Variants in NKAIN3 observed in about 807,000 individuals in gnomAD.
The protein encoded by NKAIN3 is sodium/potassium transporting ATPase interacting 3.
NKAIN3 carries 25 observed loss-of-function variants against 30.2 expected under a neutral mutation model. That is an observed-to-expected ratio of 0.83 (90% CI 0.60 to 1.16). The LOEUF is 1.16. NKAIN3 is among the 50% of genes most tolerant of loss of function. The probability of loss-of-function intolerance (pLI) is 0.00; values close to 1 mark genes in which losing one functional copy is unlikely to be tolerated. For synonymous variants in NKAIN3, 91 were observed against 89.6 expected, an observed-to-expected ratio of 1.02 and a Z score of -0.09; for missense variants, 225 against 254.1, an observed-to-expected ratio of 0.89 and a Z score of 0.78.
At chr8:62,804,488 G>A (rs1326586607) in intron 4 of NKAIN3, among the ~76,000 whole-genome samples, 1 of 152,180 alleles carries the variant, frequency 6.6e-6, no homozygotes, top group Non-Finnish European at 1.5e-5. Flanking sequence ...ATGCAAGGCT[G>A]GTTCAATATA....
intron 4 of NKAIN3, among the ~76,000 whole-genome samples, chr8:62,751,698 A>G (rs1816287696): frequency 6.6e-6 from 1 of 152,200 alleles, no homozygotes; most frequent in African/African-American, 2.4e-5. Flanking sequence ...AGATGTATAC[A>G]TAACACATCT....
intron 2 of NKAIN3, among the ~76,000 whole-genome samples, chr8:62,584,184 T>C (rs1163441379): frequency 2.0e-5 from 3 of 152,202 alleles, no homozygotes; most frequent in Non-Finnish European, 4.4e-5. Flanking sequence ...AAATTGCTTC[T>C]TCTATTTTTA....
At chr8:62,986,372 G>A (rs1471578252), downstream of NKAIN3, among the ~76,000 whole-genome samples, 1 of 152,106 alleles carries the variant, frequency 6.6e-6, no homozygotes, top group Non-Finnish European at 1.5e-5. Flanking sequence ...CATATAAACT[G>A]CATGCTTTTT....
At chr8:62,771,057 G>A (rs889239638) in intron 4 of NKAIN3, among the ~76,000 whole-genome samples, 2 of 135,166 alleles carry the variant, frequency 1.5e-5, no homozygotes, top group East Asian at 4.0e-4. Context: ...GTCTCTAATT[G>A]GTATTGTACA....
intron 1 of NKAIN3, among the ~76,000 whole-genome samples, chr8:62,524,142 C>CACA (rs1251060288): frequency 6.6e-6 from 1 of 151,522 alleles, no homozygotes; most frequent in Admixed American, 6.6e-5. Flanking sequence ...CTCTAGAATC[C>CACA]TGGTCATGCA....
At chr8:62,250,612 C>T (rs899271270) in intron 1 of NKAIN3, among the ~76,000 whole-genome samples, 1 of 152,158 alleles carries the variant, frequency 6.6e-6, no homozygotes, top group Non-Finnish European at 1.5e-5. Flanking sequence ...TGCTGGATTG[C>T]ATAATCTATA....
At chr8:62,619,081 A>G (rs1372477456) in intron 3 of NKAIN3, among the ~76,000 whole-genome samples, 1 of 152,118 alleles carries the variant, frequency 6.6e-6, no homozygotes, top group East Asian at 1.9e-4. Flanking sequence ...ATCGGATCCT[A>G]ATGTAACCAG....
At chr8:62,990,467 T>A in intron 5 of NKAIN3, 2 of 650,458 alleles carry the variant, frequency 3.1e-6, no homozygotes, top group Non-Finnish European at 4.1e-6. Context: ...TTGCTTTGTA[T>A]AAAATGTTAT....
chr8:62,825,622 A>C (rs28510229), intron 4 of NKAIN3, among the ~76,000 whole-genome samples: 8,370 of 152,234 alleles, frequency 0.055, 395 homozygotes, highest in African/African-American at 0.13. Flanking sequence ...AACCTGACTG[A>C]CAATCAGAAT....
At chr8:62,471,133 A>G (rs1239652900) in intron 1 of NKAIN3, among the ~76,000 whole-genome samples, 1 of 152,200 alleles carries the variant, frequency 6.6e-6, no homozygotes, top group Non-Finnish European at 1.5e-5. Context: ...AATTATCTAA[A>G]TCTTTAAAAC....
At chr8:62,803,015 G>A (rs1355271873) in intron 4 of NKAIN3, among the ~76,000 whole-genome samples, 2 of 152,156 alleles carry the variant, frequency 1.3e-5, no homozygotes, top group African/African-American at 4.8e-5. Context: ...AAGAGACAAA[G>A]AAGGCCATTA....
intron 1 of NKAIN3, among the ~76,000 whole-genome samples, chr8:62,514,566 G>C (rs1243733626): frequency 6.6e-6 from 1 of 152,074 alleles, no homozygotes; most frequent in Non-Finnish European, 1.5e-5. Flanking sequence ...TCCTTACCGT[G>C]AACAACAGTT....
chr8:62,943,345 C>A (rs1212647993), intron 5 of NKAIN3, among the ~76,000 whole-genome samples: 1 of 148,584 alleles, frequency 6.7e-6, no homozygotes, highest in Non-Finnish European at 1.5e-5. Context: ...TGTGATACCA[C>A]CTTACTCTTG....
chr8:62,252,896 A>G (rs1812154145), intron 1 of NKAIN3, among the ~76,000 whole-genome samples: 1 of 152,188 alleles, frequency 6.6e-6, no homozygotes, highest in Non-Finnish European at 1.5e-5. Flanking sequence ...AATAAACCTT[A>G]ATTGCATGGT....
intron 4 of NKAIN3, among the ~76,000 whole-genome samples, chr8:62,760,994 T>C (rs988647307): frequency 8.5e-5 from 13 of 152,178 alleles, no homozygotes; most frequent in African/African-American, 2.7e-4. Flanking sequence ...GCACTTTACA[T>C]CTACTGCATC....
At chr8:62,759,823 A>T (rs2130613646) in intron 4 of NKAIN3, among the ~76,000 whole-genome samples, 1 of 152,326 alleles carries the variant, frequency 6.6e-6, no homozygotes, top group East Asian at 1.9e-4. Context: ...CATCAGAGTG[A>T]ACAGGCAACC....
intron 1 of NKAIN3, among the ~76,000 whole-genome samples, chr8:62,366,383 T>G (rs546555517): frequency 1.2e-4 from 18 of 152,050 alleles, no homozygotes; most frequent in African/African-American, 3.6e-4. Context: ...TGCACCACTG[T>G]AGTTGATTAA....
In NKAIN3 at chr8:62,354,987, C is replaced by A. The variant is rs115497809; in HGVS notation, c.54+105860C>A. ...TTACACTAGAGAGTAAGCAAGCTAT[C>A]CCTTTTCTCTAGAGGGTGATACTGC... On this transcript the variant is annotated intron_variant, in intron 1 of 6. Transcript: ENST00000623646. Among the ~76,000 whole-genome samples, 1,209 of 152,254 alleles carry A rather than the reference C, an allele frequency of 7.9e-3. 21 individuals are homozygous for A. Among genetic ancestry groups the A allele is most frequent in the African/African-American group, 0.028 (1,154 of 41,546 alleles).
intron 3 of NKAIN3, among the ~76,000 whole-genome samples, chr8:62,716,831 C>A (rs1028643818): frequency 6.6e-6 from 1 of 152,012 alleles, no homozygotes; most frequent in Non-Finnish European, 1.5e-5. Context: ...GCCATGGTAG[C>A]TCACATCTAT....
Sources: gnomAD v4.1 joint callset for allele counts (sites outside exome capture counted in the v4.1 genomes callset) on GRCh38, gnomAD v4.1.1 for gene constraint, MANE v1.5 for transcripts, NCBI Gene and HGNC (gene_info 2026-07-23, HGNC 2026-07-21) for gene names.